The following BAIAP2 variants were observed in gnomAD, a reference collection of about 807,000 sequenced individuals.
BAIAP2 encodes BAR/IMD domain-containing adapter protein 2.
Under a neutral mutation model 63.0 loss-of-function variants are expected in BAIAP2, and 18 were observed. The ratio of observed to expected loss-of-function variants is 0.29; its 90% CI spans 0.20 to 0.42. The LOEUF (loss-of-function observed/expected upper bound fraction) is 0.42, where lower values mean the gene tolerates loss of function less well. BAIAP2 is among the 10% of genes least tolerant of loss of function. The probability of loss-of-function intolerance (pLI) is 1.00; values close to 1 mark genes in which losing one functional copy is unlikely to be tolerated. For synonymous variants in BAIAP2, 386 were observed against 307.6 expected (o/e 1.25, Z -2.67); for missense variants, 610 against 734.3 (o/e 0.83, Z 1.96).
intron 13 of BAIAP2, among the ~76,000 whole-genome samples, chr17:81,113,412 C>T (rs566242968): frequency 6.6e-6 from 1 of 152,356 alleles, no homozygotes; most frequent in South Asian, 2.1e-4. Flanking sequence ...TTGCAGTGGC[C>T]TTGGGCTGCA....
intron 1 of BAIAP2, among the ~76,000 whole-genome samples, chr17:81,041,030 G>A (rs1171022228): frequency 2.0e-5 from 3 of 152,250 alleles, no homozygotes; most frequent in African/African-American, 7.2e-5. Flanking sequence ...GTTTCTGCCT[G>A]TCAGGCACAG....
intron 13 of BAIAP2, chr17:81,109,011 C>G: frequency 2.6e-6 from 4 of 1,544,902 alleles, no homozygotes; most frequent in Non-Finnish European, 2.6e-6. Context: ...ACGCTGACCC[C>G]GGGCAGCCGC....
intron 3 of BAIAP2, among the ~76,000 whole-genome samples, chr17:81,081,292 T>C (rs1042122242): frequency 6.6e-6 from 1 of 152,074 alleles, no homozygotes; most frequent in Admixed American, 6.5e-5. Flanking sequence ...TGGAGCTGCC[T>C]CCCCCGGGGT....
At chr17:81,081,502 T>C (rs906260406) in intron 3 of BAIAP2, among the ~76,000 whole-genome samples, 4 of 152,154 alleles carry the variant, frequency 2.6e-5, no homozygotes, top group African/African-American at 9.7e-5. Flanking sequence ...CCCTCTCTTG[T>C]GGGGTCTGTG....
chr17:81,101,951 G>A (rs1408722482), intron 7 of BAIAP2, among the ~76,000 whole-genome samples: 1 of 152,254 alleles, frequency 6.6e-6, no homozygotes, highest in African/African-American at 2.4e-5. Flanking sequence ...CGGGGGCCAG[G>A]CCCCATGACG....
At chr17:81,065,615 C>G (rs113375744) in intron 3 of BAIAP2, among the ~76,000 whole-genome samples, 4 of 152,350 alleles carry the variant, frequency 2.6e-5, no homozygotes, top group East Asian at 1.9e-4. Context: ...CCCTCCACCC[C>G]CTTGCTGCTG....
At chr17:81,101,632 C>T (rs1433052879) in intron 7 of BAIAP2, among the ~76,000 whole-genome samples, 14 of 135,072 alleles carry the variant, frequency 1.0e-4, no homozygotes, top group African/African-American at 3.0e-4. Context: ...CGTGCGCGTG[C>T]GTGCACACAC....
intron 12 of BAIAP2, chr17:81,108,189 G>A (rs1015527777): frequency 6.0e-6 from 3 of 500,228 alleles, no homozygotes; most frequent in East Asian, 3.4e-5. Flanking sequence ...GTCTCAGGCG[G>A]CCAGTCTTGC....
rs573769189 is a variant in BAIAP2, at chr17:81,055,640, C to A, written c.130+1897C>A. Among the ~76,000 whole-genome samples, 602 of 145,276 alleles carry A rather than the reference C, an allele frequency of 4.1e-3. 2 individuals carry two copies. The highest frequency in any genetic ancestry group is 0.011 in the African/African-American group (446 of 39,198). ...GACTGCAGTGGCGCTATCTTGGCTC[C>A]CTGCAAACTCTGCCTCCCGGGTTCA... On this transcript the variant is annotated intron_variant, in intron 2 of 13. Transcript: ENST00000428708.
intron 3 of BAIAP2, among the ~76,000 whole-genome samples, chr17:81,077,895 C>T (rs2053934332): frequency 6.8e-6 from 1 of 146,522 alleles, no homozygotes; most frequent in African/African-American, 2.6e-5. Flanking sequence ...CATCTTAGAT[C>T]TGGGCACTCT....
intron 1 of BAIAP2, among the ~76,000 whole-genome samples, chr17:81,042,750 C>T (rs969828445): frequency 6.6e-6 from 1 of 152,062 alleles, no homozygotes; most frequent in Admixed American, 6.5e-5. Context: ...AGAGGGTGTC[C>T]CCTAGCCGCA....
intron 13 of BAIAP2, chr17:81,109,299 T>C (rs2059588171): frequency 8.3e-7 from 1 of 1,198,574 alleles, no homozygotes. Context: ...CACCCTGCAG[T>C]GTCTGTGGCA....
chr17:81,070,676 C>T (rs1310485169), intron 3 of BAIAP2, among the ~76,000 whole-genome samples: 2 of 152,166 alleles, frequency 1.3e-5, no homozygotes, highest in African/African-American at 2.4e-5. Context: ...AGCTCAGCCC[C>T]CGCAGAGCCT....
chr17:81,054,845 C>T (rs1055753164), intron 2 of BAIAP2, among the ~76,000 whole-genome samples: 2 of 152,124 alleles, frequency 1.3e-5, no homozygotes, highest in Non-Finnish European at 2.9e-5. Context: ...GGAGTGGCTT[C>T]CTTGTCGCCA....
At position 81,116,127 on chromosome 17, in the gene BAIAP2, A is replaced by G; in HGVS notation, c.*288A>G. ...GTCACATGGCCATGGAGCCTTGGGT[A>G]CCCCTGAGTTAAGGGAGGACATTTG... On this transcript the variant is annotated 3_prime_UTR_variant, in exon 14 of 14. Coordinates refer to ENST00000428708, the MANE Select transcript of BAIAP2 (RefSeq NM_001144888.2). 1 of 1,578,488 alleles carries G rather than the reference A, an allele frequency of 6.3e-7. No individual in the cohort carries two copies. The highest frequency in any genetic ancestry group is 8.6e-7 in the Non-Finnish European group (1 of 1,163,252).
At chr17:81,098,827 C>T (rs1244124427) in intron 6 of BAIAP2, among the ~76,000 whole-genome samples, 1 of 152,242 alleles carries the variant, frequency 6.6e-6, no homozygotes, top group African/African-American at 2.4e-5. Flanking sequence ...ACCGCCGGGT[C>T]AGGGTGGGGA....
In BAIAP2 at chr17:81,106,923, C is replaced by A; in HGVS notation, c.1500+16C>A. On this transcript the variant is annotated intron_variant, in intron 12 of 13. Coordinates refer to ENST00000428708, the MANE Select transcript of BAIAP2 (RefSeq NM_001144888.2). ...CTTCTCCCAGGTCAGTGGGCGGGGC[C>A]GGGGCTGGGAGGGGCCCGCAGGTGG... is the stretch of plus-strand genomic sequence containing the variant. 6.7e-7 allele frequency: 1 copy of A among 1,496,566 alleles called. No homozygotes were observed. Among genetic ancestry groups the A allele is most frequent in the East Asian group, 2.4e-5 (1 of 40,968 alleles). The allele number at this position is 1,496,566 out of a possible 1,614,324, so 92.7% of individuals were successfully genotyped here.
At chr17:81,075,867 C>A (rs1375057450) in intron 3 of BAIAP2, among the ~76,000 whole-genome samples, 3 of 152,212 alleles carry the variant, frequency 2.0e-5, no homozygotes, top group Non-Finnish European at 4.4e-5. Context: ...GCCAGCTGGG[C>A]ACTGCCATCT....
At chr17:81,066,262 C>T (rs1336570293) in intron 3 of BAIAP2, among the ~76,000 whole-genome samples, 1 of 152,254 alleles carries the variant, frequency 6.6e-6, no homozygotes, top group East Asian at 1.9e-4. Context: ...CTGCCAGCTG[C>T]CCGGCATCCC....
Sources: gnomAD v4.1 joint callset for allele counts (sites outside exome capture counted in the v4.1 genomes callset) on GRCh38, gnomAD v4.1.1 for gene constraint, MANE v1.5 for transcripts, NCBI Gene and HGNC (gene_info 2026-07-23, HGNC 2026-07-21) for gene names.